Variants in PCDHGA9 observed in about 807,000 individuals in gnomAD.
PCDHGA9 encodes the protein protocadherin gamma-A9.
Under a neutral mutation model 62.5 loss-of-function variants are expected in PCDHGA9, and 37 were observed. That is an observed-to-expected ratio of 0.59 (90% CI 0.46 to 0.78). PCDHGA9 has a LOEUF of 0.78. Ranked by LOEUF, PCDHGA9 falls within the 30% of genes least tolerant of loss-of-function variation. The pLI, the probability that PCDHGA9 is intolerant of heterozygous loss-of-function variation, is 0.00. For synonymous variants in PCDHGA9, 459 were observed against 484.6 expected (o/e 0.95, Z 0.69); for missense variants, 1,138 against 1,166.2 (o/e 0.98, Z 0.35).
At chr5:141,434,119 C>T (rs2097673106) in intron 1 of PCDHGA9, among the ~76,000 whole-genome samples, 1 of 152,180 alleles carries the variant, frequency 6.6e-6, no homozygotes, top group Non-Finnish European at 1.5e-5. Flanking sequence ...GCCTTTGGGA[C>T]TCCCTTTAGG....
At position 141,485,680 on chromosome 5, in the gene PCDHGA9, C is replaced by A. The variant is rs1450674419; in HGVS notation, c.2425-9127C>A. The A allele has an allele frequency of 6.2e-7, 1 of 1,613,966 alleles. No individual in the cohort carries two copies. On this transcript the variant is annotated intron_variant, in intron 1 of 3. Transcript: ENST00000573521. The surrounding 1 kb of genome is among the most constrained non-coding windows in gnomAD (Gnocchi z 5.7). ...ATGTGGGGAGCAATTCGATTAGCAGCTATAGGCTGAGCTCCAATGAACACT... is the reference window on the plus strand; with the variant it reads ...ATGTGGGGAGCAATTCGATTAGCAGATATAGGCTGAGCTCCAATGAACACT...
chr5:141,497,406 C>T lies in PCDHGA9; in HGVS notation c.2483+2541C>T, dbSNP rs892691245. 1.2e-4 allele frequency among the ~76,000 whole-genome samples: 19 copies of T among 152,174 alleles called. No individual in the cohort carries two copies. The East Asian group carries it at 1.5e-3, about 12-fold the overall frequency. ...AGCACCTTACCCCTGCCTCAACTCC[C>T]ATTCCATCAAATGAGAGGCTTAGTG... On this transcript the variant is annotated intron_variant, in intron 2 of 3. Transcript: ENST00000573521.
rs2099691833 is a variant in PCDHGA9, at chr5:141,489,761, C to A, written c.2425-5046C>A. 8.1e-6 allele frequency: 13 copies of A among 1,614,102 alleles called. No individual in the cohort carries two copies. The highest frequency in any genetic ancestry group is 1.1e-5 in the Non-Finnish European group (13 of 1,179,962). ...ACTGTGAGCTTTTACACTCTAAGCCCCAACAGCCACTTCTCTCTGAATGTG... is the reference window on the plus strand; with the variant it reads ...ACTGTGAGCTTTTACACTCTAAGCCACAACAGCCACTTCTCTCTGAATGTG... On this transcript the variant is annotated intron_variant, in intron 1 of 3. Coordinates refer to ENST00000573521, the MANE Select transcript of PCDHGA9 (RefSeq NM_018921.3). The surrounding 1 kb of genome is among the most constrained non-coding windows in gnomAD (Gnocchi z 4.5).
chr5:141,431,681 G>A lies in PCDHGA9; in HGVS notation c.2424+26305G>A. The A allele has an allele frequency of 6.2e-7, 1 of 1,614,214 alleles. No homozygotes were observed. The highest frequency in any genetic ancestry group is 1.1e-5 in the South Asian group (1 of 91,086). ...GACAATATCAACAATAGGGGAGTTG[G>A]ACCACGAGGAGTCAGGATTCTACCA... On this transcript the variant is annotated intron_variant, in intron 1 of 3. Coordinates refer to ENST00000573521, the MANE Select transcript of PCDHGA9 (RefSeq NM_018921.3). This position sits in a 1 kb window ranked among gnomAD's most constrained non-coding sequence, Gnocchi z 4.8.
intron 1 of PCDHGA9, among the ~76,000 whole-genome samples, chr5:141,481,749 C>G (rs958851030): frequency 7.9e-5 from 12 of 151,976 alleles, no homozygotes; most frequent in African/African-American, 2.9e-4. Context: ...GTCAGGAGTC[C>G]AAGACCAGCC....
chr5:141,475,162 G>T (rs949339969), intron 1 of PCDHGA9, among the ~76,000 whole-genome samples: 2 of 152,034 alleles, frequency 1.3e-5, no homozygotes, highest in South Asian at 4.1e-4. Flanking sequence ...TTCTTCATTA[G>T]CAGTGCAACT....
At chr5:141,424,092 C>G (rs1160250641) in intron 1 of PCDHGA9, 2 of 879,256 alleles carry the variant, frequency 2.3e-6, no homozygotes, top group Non-Finnish European at 2.8e-6. Context: ...CCATTATTTG[C>G]TATTACTGCT....
At chr5:141,421,880 G>C in intron 1 of PCDHGA9, 1 of 1,613,718 alleles carries the variant, frequency 6.2e-7, no homozygotes, top group Admixed American at 1.7e-5. Flanking sequence ...GCTTTAGATG[G>C]AGGCGATCCC....
intron 1 of PCDHGA9, among the ~76,000 whole-genome samples, chr5:141,453,492 G>T (rs1046043468): frequency 6.6e-6 from 1 of 152,000 alleles, no homozygotes; most frequent in Non-Finnish European, 1.5e-5. Flanking sequence ...AAAAAAAGGT[G>T]TACTCAGAAA....
At chr5:141,458,437 C>T (rs777855535) in intron 1 of PCDHGA9, among the ~76,000 whole-genome samples, 1 of 152,026 alleles carries the variant, frequency 6.6e-6, no homozygotes, top group Non-Finnish European at 1.5e-5. Flanking sequence ...AGAGGAGGTC[C>T]CCCACATTAA....
intron 1 of PCDHGA9, chr5:141,441,743 C>G (rs1298220876): frequency 2.7e-6 from 1 of 367,284 alleles, no homozygotes; most frequent in Non-Finnish European, 5.4e-6. Flanking sequence ...AGCTCGCGCT[C>G]GGCGTCAACG....
At chr5:141,446,450 T>C (rs922188307) in intron 1 of PCDHGA9, among the ~76,000 whole-genome samples, 2 of 152,018 alleles carry the variant, frequency 1.3e-5, no homozygotes, top group Non-Finnish European at 2.9e-5. Context: ...AGTGCAGATA[T>C]TCAGTGTGTG....
chr5:141,421,233 G>T (rs201076931), intron 1 of PCDHGA9: 2 of 1,592,240 alleles, frequency 1.3e-6, no homozygotes, highest in Non-Finnish European at 1.7e-6. Flanking sequence ...CTGCCATGGC[G>T]AATCGGCTAC....
At chr5:141,418,539 A>G (rs984639830) in intron 1 of PCDHGA9, 14 of 1,614,034 alleles carry the variant, frequency 8.7e-6, no homozygotes, top group Non-Finnish European at 1.0e-5. Context: ...GGTACTGCTC[A>G]GATAAGAATC....
At chr5:141,453,321 T>TG (rs2098762672) in intron 1 of PCDHGA9, among the ~76,000 whole-genome samples, 2 of 151,876 alleles carry the variant, frequency 1.3e-5, no homozygotes, top group Admixed American at 6.6e-5. Context: ...ATTTTAGAGA[T>TG]GGGGTCTCAC....
intron 1 of PCDHGA9, 97 bp from the exon 2 acceptor site, chr5:141,494,710 C>G: frequency 6.2e-7 from 1 of 1,600,966 alleles, no homozygotes; most frequent in Admixed American, 1.7e-5. Context: ...TCTCTGTGCC[C>G]ACTCCCCTCC....
Position 141,404,021 on chromosome 5 carries a change from A to G in PCDHGA9, c.1069A>G (p.Arg357Gly). ...CATTACATCTCTGTTTAGCCCAGTGAGAGAAGACGCACCTCAGGGAACAGT... is the reference window on the plus strand; with the variant it reads ...CATTACATCTCTGTTTAGCCCAGTGGGAGAAGACGCACCTCAGGGAACAGT... ...VTITSLFSPV[R>G]EDAPQGTVIL... Residue 357 changes from arginine to glycine, a missense_variant, in exon 1 of 4, where the codon AGA (arginine) becomes GGA (glycine). Transcript: ENST00000573521. 6.2e-7 allele frequency: 1 copy of G among 1,613,894 alleles called. No individual in the cohort carries two copies. The highest frequency in any genetic ancestry group is 8.5e-7 in the Non-Finnish European group (1 of 1,179,850).
chr5:141,492,386 G>C (rs1343104703), intron 1 of PCDHGA9, among the ~76,000 whole-genome samples: 1 of 152,202 alleles, frequency 6.6e-6, no homozygotes, highest in African/African-American at 2.4e-5. Context: ...GCCTGTTCCG[G>C]TCCACTCGCA....
At chr5:141,419,239 C>A in intron 1 of PCDHGA9, 3 of 1,614,008 alleles carry the variant, frequency 1.9e-6, no homozygotes, top group Non-Finnish European at 2.5e-6. Flanking sequence ...ACCTGGTCCA[C>A]GTGCCAGAAA....
Sources: gnomAD v4.1 joint callset for allele counts (sites outside exome capture counted in the v4.1 genomes callset) on GRCh38, gnomAD v4.1.1 for gene constraint, Gnocchi (gnomAD v3.1) non-coding constraint, MANE v1.5 for transcripts, NCBI Gene and HGNC (gene_info 2026-07-23, HGNC 2026-07-21) for gene names.